Variants in LMBR1 observed in about 807,000 individuals in gnomAD.
The protein encoded by LMBR1 is limb region 1 protein homolog.
Under a neutral mutation model 73.9 loss-of-function variants are expected in LMBR1, and 52 were observed. That is an observed-to-expected ratio of 0.70 (90% CI 0.56 to 0.89). The LOEUF is 0.89. LMBR1 is among the 40% of genes least tolerant of loss of function. The probability of loss-of-function intolerance (pLI) is 0.00; values close to 1 mark genes in which losing one functional copy is unlikely to be tolerated. For synonymous variants in LMBR1, 215 were observed against 209.4 expected, an observed-to-expected ratio of 1.03 and a Z score of -0.23; for missense variants, 539 against 579.8, an observed-to-expected ratio of 0.93 and a Z score of 0.72.
At position 156,688,154 on chromosome 7, in the gene LMBR1, C is replaced by T. The variant is rs11540622; in HGVS notation, c.1263G>A (p.Arg421=). The T allele has an allele frequency of 5.1e-5, 82 of 1,607,332 alleles. 2 individuals are homozygous for T. The South Asian group carries it at 8.9e-4, about 17-fold the overall frequency. The part of the protein sequence containing the change: ...TRFDLLGDFG[R]FNWLGNFYIV... Reference sequence around the variant, plus strand: ...TATAGAAATTTCCCAGCCAATTAAACCTTCCAAAGTCGCCAAGTAGATCAA... The same window carrying T: ...TATAGAAATTTCCCAGCCAATTAAATCTTCCAAAGTCGCCAAGTAGATCAA... Residue 421 remains arginine (R), a synonymous_variant, in exon 16 of 17, where the codon AGG becomes AGA. Transcript: ENST00000353442.
intron 1 of LMBR1, among the ~76,000 whole-genome samples, chr7:156,878,136 C>G (rs1251909793): frequency 6.6e-6 from 1 of 152,078 alleles, no homozygotes; most frequent in Non-Finnish European, 1.5e-5. Flanking sequence ...CCTCTGAGAA[C>G]TAGAACAAGA....
chr7:156,773,769 T>C (rs1585701256), intron 5 of LMBR1, among the ~76,000 whole-genome samples: 1 of 151,562 alleles, frequency 6.6e-6, no homozygotes, highest in Non-Finnish European at 1.5e-5. Context: ...ACCTAGGAAA[T>C]ACCATTCTAA....
chr7:156,686,135 C>CT (rs1425589475), intron 16 of LMBR1, among the ~76,000 whole-genome samples: 1 of 152,162 alleles, frequency 6.6e-6, no homozygotes, highest in East Asian at 1.9e-4. Flanking sequence ...TACCCACTGA[C>CT]TGAGCTGAAA....
intron 1 of LMBR1, among the ~76,000 whole-genome samples, chr7:156,848,196 A>G (rs962554690): frequency 2.4e-4 from 37 of 152,200 alleles, no homozygotes; most frequent in Non-Finnish European, 2.9e-5. Flanking sequence ...AAAGACACTA[A>G]AAGCAACTGC....
intron 1 of LMBR1, among the ~76,000 whole-genome samples, chr7:156,872,705 T>C (rs1799487562): frequency 6.7e-6 from 1 of 150,340 alleles, no homozygotes; most frequent in Non-Finnish European, 1.5e-5. Context: ...ACCTGTATCC[T>C]GAAAACCATA....
At chr7:156,749,486 A>C (rs1440442533) in intron 9 of LMBR1, among the ~76,000 whole-genome samples, 1 of 152,216 alleles carries the variant, frequency 6.6e-6, no homozygotes, top group Non-Finnish European at 1.5e-5. Context: ...AGCAAAATTC[A>C]AGGACTGATG....
intron 15 of LMBR1, among the ~76,000 whole-genome samples, chr7:156,695,681 C>T (rs140926117): frequency 3.3e-4 from 50 of 152,246 alleles, no homozygotes; most frequent in African/African-American, 1.2e-3. Context: ...ACCCCACCTC[C>T]AACACTGGGA....
At chr7:156,877,014 A>G (rs964560167) in intron 1 of LMBR1, among the ~76,000 whole-genome samples, 1 of 152,162 alleles carries the variant, frequency 6.6e-6, no homozygotes, top group African/African-American at 2.4e-5. Flanking sequence ...CAAAAAAAAT[A>G]CAAAAGAAAA....
At chr7:156,728,821 A>T (rs1448277618) in intron 10 of LMBR1, 101 bp from the exon 11 acceptor site, 9 of 823,796 alleles carry the variant, frequency 1.1e-5, no homozygotes, top group Admixed American at 8.9e-5. Flanking sequence ...TTTTTAAAAA[A>T]CATAAATTAC....
chr7:156,753,159 A>G (rs1305326768), intron 9 of LMBR1, among the ~76,000 whole-genome samples: 1 of 152,138 alleles, frequency 6.6e-6, no homozygotes, highest in Non-Finnish European at 1.5e-5. Context: ...CGGGTGAGGC[A>G]GACAACCACA....
chr7:156,712,617 G>A (rs780554116), intron 15 of LMBR1, among the ~76,000 whole-genome samples: 14 of 152,126 alleles, frequency 9.2e-5, no homozygotes, highest in Non-Finnish European at 2.9e-5. Flanking sequence ...CAACCTAAGC[G>A]CCAATCAATG....
At chr7:156,835,350 G>C (rs1285756865) in intron 2 of LMBR1, among the ~76,000 whole-genome samples, 1 of 152,068 alleles carries the variant, frequency 6.6e-6, no homozygotes, top group East Asian at 1.9e-4. Context: ...GACCACAAAA[G>C]AACATAGTTA....
At chr7:156,829,375 T>C (rs1463047399) in intron 3 of LMBR1, among the ~76,000 whole-genome samples, 1 of 152,206 alleles carries the variant, frequency 6.6e-6, no homozygotes, top group East Asian at 1.9e-4. Flanking sequence ...TACTGGATCG[T>C]AGGAGCAGAC....
chr7:156,703,015 T>G (rs1810132211), intron 15 of LMBR1, among the ~76,000 whole-genome samples: 2 of 151,998 alleles, frequency 1.3e-5, no homozygotes, highest in African/African-American at 4.8e-5. Context: ...TGTAAGTGAG[T>G]GTCCTTCTGG....
chr7:156,713,633 G>A (rs551118364), intron 15 of LMBR1, among the ~76,000 whole-genome samples: 3 of 152,236 alleles, frequency 2.0e-5, no homozygotes, highest in Non-Finnish European at 4.4e-5. Flanking sequence ...GAACACGAGC[G>A]GAGTCTGAGG....
intron 9 of LMBR1, among the ~76,000 whole-genome samples, chr7:156,747,277 G>A (rs1043864798): frequency 2.0e-5 from 3 of 152,020 alleles, no homozygotes; most frequent in East Asian, 1.9e-4. Context: ...TGCCCCACCC[G>A]TCTCTTTGGA....
intron 8 of LMBR1, among the ~76,000 whole-genome samples, chr7:156,758,148 G>C (rs1822257184): frequency 6.6e-6 from 1 of 152,190 alleles, no homozygotes; most frequent in South Asian, 2.1e-4. Flanking sequence ...AGGAGAAAGA[G>C]TGGTACACGG....
intron 9 of LMBR1, among the ~76,000 whole-genome samples, chr7:156,750,686 T>C (rs1303599846): frequency 2.0e-5 from 3 of 152,224 alleles, no homozygotes; most frequent in African/African-American, 4.8e-5. Flanking sequence ...AATTTACTTA[T>C]GGGACAAATG....
chr7:156,890,114 T>C (rs1012732052), intron 1 of LMBR1, among the ~76,000 whole-genome samples: 1 of 152,158 alleles, frequency 6.6e-6, no homozygotes, highest in African/African-American at 2.4e-5. Context: ...AAGTCCTAAA[T>C]AGTGCTGAAG....
Sources: allele counts gnomAD v4.1 joint callset (sites outside exome capture counted in the v4.1 genomes callset), GRCh38; gene constraint gnomAD v4.1.1; transcripts MANE v1.5; gene names NCBI Gene and HGNC (gene_info 2026-07-23, HGNC 2026-07-21).